GRID2: variants seen among roughly 807,000 people sequenced by gnomAD.
GRID2 encodes the protein glutamate ionotropic receptor delta type subunit 2, also known as glutamate receptor ionotropic, delta-2.
A neutral mutation model predicts 114.8 loss-of-function variants in GRID2; 33 were observed. The ratio of observed to expected loss-of-function variants is 0.29; its 90% CI spans 0.22 to 0.38. The LOEUF (loss-of-function observed/expected upper bound fraction) is 0.38, where lower values mean the gene tolerates loss of function less well. Ranked by LOEUF, GRID2 falls within the 10% of genes least tolerant of loss-of-function variation. GRID2 has a pLI of 1.00. For missense variants in GRID2, 1,184 were observed against 1,257.7 expected, an observed-to-expected ratio of 0.94 and a Z score of 0.89; for synonymous variants, 505 against 449.9, an observed-to-expected ratio of 1.12 and a Z score of -1.55.
At chr4:92,469,999 C>T (rs1429738367) in intron 1 of GRID2, among the ~76,000 whole-genome samples, 1 of 151,788 alleles carries the variant, frequency 6.6e-6, no homozygotes, top group Admixed American at 6.6e-5. Context: ...TTATCCTATA[C>T]AGACATGAAA....
intron 12 of GRID2, among the ~76,000 whole-genome samples, chr4:93,502,055 T>C (rs184210141): frequency 1.1e-4 from 16 of 152,194 alleles, no homozygotes; most frequent in Non-Finnish European, 1.8e-4. Flanking sequence ...TACTGCTTAG[T>C]CATTGTGGAG....
At chr4:92,376,128 T>C (rs1729343046) in intron 1 of GRID2, among the ~76,000 whole-genome samples, 1 of 151,906 alleles carries the variant, frequency 6.6e-6, no homozygotes, top group South Asian at 2.1e-4. Flanking sequence ...TTCAACACAG[T>C]GATACCCTGT....
intron 14 of GRID2, among the ~76,000 whole-genome samples, chr4:93,690,337 T>C (rs1726449016): frequency 6.6e-6 from 1 of 152,006 alleles, no homozygotes; most frequent in Non-Finnish European, 1.5e-5. Context: ...AGAAGTACTG[T>C]CACTCTCTAC....
chr4:92,371,142 T>C, intron 1 of GRID2, among the ~76,000 whole-genome samples: 1 of 152,114 alleles, frequency 6.6e-6, no homozygotes, highest in Admixed American at 6.6e-5. Flanking sequence ...AGAGGTTGCT[T>C]CATGAAGATT....
intron 2 of GRID2, among the ~76,000 whole-genome samples, chr4:92,922,929 G>A (rs1749486709): frequency 6.6e-6 from 1 of 152,204 alleles, no homozygotes; most frequent in Non-Finnish European, 1.5e-5. Flanking sequence ...GGAGGCTCTA[G>A]GACGCTGAAA....
chr4:93,717,516 A>G (rs1729001661), intron 14 of GRID2, among the ~76,000 whole-genome samples: 2 of 152,184 alleles, frequency 1.3e-5, no homozygotes, highest in East Asian at 3.9e-4. Context: ...ACTGCTAACT[A>G]TCTTTTAAAA....
At chr4:93,267,629 C>T (rs1037044157) in intron 8 of GRID2, among the ~76,000 whole-genome samples, 39 of 152,290 alleles carry the variant, frequency 2.6e-4, no homozygotes, top group African/African-American at 7.5e-4. Flanking sequence ...CCACATTCGC[C>T]ACCCGGGTCA....
chr4:93,086,913 G>A (rs1249375157), intron 3 of GRID2, among the ~76,000 whole-genome samples: 1 of 151,882 alleles, frequency 6.6e-6, no homozygotes, highest in Non-Finnish European at 1.5e-5. Flanking sequence ...TTACTTAAAT[G>A]ATATTCTTAT....
intron 8 of GRID2, among the ~76,000 whole-genome samples, chr4:93,393,138 G>C (rs1474396392): frequency 6.6e-6 from 1 of 151,942 alleles, no homozygotes; most frequent in Non-Finnish European, 1.5e-5. Context: ...CAGATAATCT[G>C]TATCCTAAAC....
Position 92,825,287 on chromosome 4 carries a change from T to C in GRID2, c.244+235001T>C, listed in dbSNP as rs141092760. On this transcript the variant is annotated intron_variant, in intron 2 of 15. Transcript: ENST00000282020. ...TGAACAGAAAAAAATTCACCTTCCA[T>C]TGGGGCTCGCAGTCTGTTGAGAAGA... 2.4e-4 allele frequency among the ~76,000 whole-genome samples: 37 copies of C among 152,252 alleles called. 1 individual carries two copies. In the East Asian group the frequency reaches 5.6e-3, roughly 23 times the overall value.
chr4:93,537,038 T>TAAAAAA (rs201768842), intron 13 of GRID2, among the ~76,000 whole-genome samples: 5 of 151,628 alleles, frequency 3.3e-5, no homozygotes, highest in South Asian at 2.1e-4. Context: ...ACTCAATATC[T>TAAAAAA]AAAAAAATCC....
intron 2 of GRID2, among the ~76,000 whole-genome samples, chr4:92,653,356 TTTGTAA>T (rs1732069132): frequency 6.7e-6 from 1 of 149,164 alleles, no homozygotes; most frequent in Non-Finnish European, 1.5e-5. Context: ...TGTTTGTGTG[TTTGTAA>T]TTGTTTTCAG....
In GRID2 at chr4:93,040,295, A is replaced by G. The variant is rs77267957; in HGVS notation, c.245-44700A>G. ...GGAGTTACAGAATCACAAAAAAAAAAAAAGAAAGAAAACATCACTAACAAT... is the reference window on the plus strand; with the variant it reads ...GGAGTTACAGAATCACAAAAAAAAAGAAAGAAAGAAAACATCACTAACAAT... On this transcript the variant is annotated intron_variant, in intron 2 of 15. Coordinates refer to ENST00000282020, the MANE Select transcript of GRID2 (RefSeq NM_001510.4). Among the ~76,000 whole-genome samples the G allele has an allele frequency of 6.3e-4, 96 of 152,056 alleles. 1 individual carries two copies. The East Asian group carries it at 0.018, about 28-fold the overall frequency.
intron 1 of GRID2, among the ~76,000 whole-genome samples, chr4:92,415,681 C>T (rs1165846195): frequency 6.7e-5 from 9 of 134,130 alleles, no homozygotes; most frequent in South Asian, 4.7e-4. Context: ...TATTCCATGG[C>T]GTGTGTATGT....
chr4:92,306,738 T>A (rs996767126), intron 1 of GRID2, among the ~76,000 whole-genome samples: 2 of 152,236 alleles, frequency 1.3e-5, no homozygotes, highest in Admixed American at 6.5e-5. Context: ...AAAACTGTTG[T>A]ATTTTTTAGT....
At chr4:93,230,223 A>G (rs1745965571) in intron 7 of GRID2, among the ~76,000 whole-genome samples, 1 of 151,970 alleles carries the variant, frequency 6.6e-6, no homozygotes, top group Non-Finnish European at 1.5e-5. Flanking sequence ...TGGTTATTGT[A>G]GGTATTAAAG....
intron 3 of GRID2, among the ~76,000 whole-genome samples, chr4:93,105,304 T>C (rs1732108131): frequency 6.6e-6 from 1 of 152,194 alleles, no homozygotes; most frequent in East Asian, 1.9e-4. Flanking sequence ...AGAAGCTCTT[T>C]AGTTTACTTA....
intron 13 of GRID2, among the ~76,000 whole-genome samples, chr4:93,535,893 T>C (rs1732013954): frequency 6.6e-6 from 1 of 152,098 alleles, no homozygotes; most frequent in South Asian, 2.1e-4. Flanking sequence ...CAGAGCTTTC[T>C]ATTTTGATGT....
intron 1 of GRID2, among the ~76,000 whole-genome samples, chr4:92,513,199 T>A (rs1314073037): frequency 1.3e-5 from 2 of 151,876 alleles, no homozygotes; most frequent in Non-Finnish European, 2.9e-5. Flanking sequence ...ATTGCCCCTA[T>A]CTTACCAATA....
Sources: allele counts gnomAD v4.1 joint callset (sites outside exome capture counted in the v4.1 genomes callset), GRCh38; gene constraint gnomAD v4.1.1; transcripts MANE v1.5; gene names NCBI Gene and HGNC (gene_info 2026-07-23, HGNC 2026-07-21).